Variants in EPHA6 observed in about 807,000 individuals in gnomAD.
EPHA6 encodes EPH receptor A6.
Under a neutral mutation model 112.0 loss-of-function variants are expected in EPHA6, and 50 were observed. The observed-to-expected ratio is 0.45, with a 90% CI of 0.36 to 0.56. The LOEUF is 0.56. EPHA6 is among the 20% of genes least tolerant of loss of function. The pLI, the probability that EPHA6 is intolerant of heterozygous loss-of-function variation, is 0.00. For missense variants in EPHA6, 1,280 were observed against 1,417.4 expected, an observed-to-expected ratio of 0.90 and a Z score of 1.56; for synonymous variants, 529 against 490.7, an observed-to-expected ratio of 1.08 and a Z score of -1.03.
intron 3 of EPHA6, among the ~76,000 whole-genome samples, chr3:97,117,198 T>G (rs1484069055): frequency 1.3e-5 from 2 of 151,664 alleles, no homozygotes; most frequent in African/African-American, 4.8e-5. Flanking sequence ...ATTGAGTTGT[T>G]TAAGTTCCTA....
chr3:97,343,894 T>C (rs192687703), intron 5 of EPHA6, among the ~76,000 whole-genome samples: 42 of 152,168 alleles, frequency 2.8e-4, no homozygotes, highest in Admixed American at 9.8e-4. Context: ...AGACCAAGCA[T>C]TGAGAGACAA....
chr3:97,679,166 T>G (rs2031652650), intron 14 of EPHA6, among the ~76,000 whole-genome samples: 1 of 152,178 alleles, frequency 6.6e-6, no homozygotes, highest in African/African-American at 2.4e-5. Context: ...TTTAGATGAA[T>G]TTTTGATCTC....
At chr3:97,339,947 C>G (rs773525166) in intron 5 of EPHA6, among the ~76,000 whole-genome samples, 1 of 152,148 alleles carries the variant, frequency 6.6e-6, no homozygotes, top group African/African-American at 2.4e-5. Flanking sequence ...AGAACAAAAC[C>G]TTTCTGCCAA....
chr3:97,158,262 AACACACACACACAGAC>A, intron 3 of EPHA6, among the ~76,000 whole-genome samples: 1 of 152,118 alleles, frequency 6.6e-6, no homozygotes, highest in Non-Finnish European at 1.5e-5. Flanking sequence ...TCTGTCTGTA[AACACACACACACAGAC>A]ACACACACAA....
At chr3:97,592,133 T>C (rs2093550850) in intron 11 of EPHA6, among the ~76,000 whole-genome samples, 1 of 152,212 alleles carries the variant, frequency 6.6e-6, no homozygotes, top group South Asian at 2.1e-4. Flanking sequence ...TGCAAAAATA[T>C]GTAATTACTG....
intron 2 of EPHA6, among the ~76,000 whole-genome samples, chr3:96,887,659 A>T (rs2037708755): frequency 6.6e-6 from 1 of 152,072 alleles, no homozygotes; most frequent in African/African-American, 2.4e-5. Flanking sequence ...AACTCCCAGG[A>T]TTATATGCCC....
At chr3:97,663,144 T>C (rs1482508419) in intron 14 of EPHA6, among the ~76,000 whole-genome samples, 1 of 152,006 alleles carries the variant, frequency 6.6e-6, no homozygotes, top group Admixed American at 6.6e-5. Flanking sequence ...TATCATGGGG[T>C]AGGACAAAGG....
At chr3:97,069,335 A>C (rs1303822374) in intron 3 of EPHA6, among the ~76,000 whole-genome samples, 1 of 152,166 alleles carries the variant, frequency 6.6e-6, no homozygotes. Flanking sequence ...ATTGTCCTCC[A>C]TTGATAGGCT....
Position 97,642,584 on chromosome 3 carries a change from G to C in EPHA6, c.2784+4502G>C, listed in dbSNP as rs982898103. Among the ~76,000 whole-genome samples the C allele has an allele frequency of 2.3e-3, 347 of 151,950 alleles. 3 individuals are homozygous for C. The highest frequency in any genetic ancestry group is 7.9e-3 in the African/African-American group (328 of 41,426). On this transcript the variant is annotated intron_variant, in intron 14 of 17. Coordinates refer to ENST00000389672, the MANE Select transcript of EPHA6 (RefSeq NM_001080448.3). ...GTATAACTAGAATAACCAATACAGA[G>C]AAGTGCTTAAAGGAGCTGATGGGGC...
At chr3:97,719,346 A>G (rs2034409054) in intron 14 of EPHA6, among the ~76,000 whole-genome samples, 1 of 151,922 alleles carries the variant, frequency 6.6e-6, no homozygotes, top group Admixed American at 6.6e-5. Context: ...AGCCACCTCC[A>G]CGGTTTAAGA....
chr3:96,826,835 A>T (rs1484101895), intron 1 of EPHA6, among the ~76,000 whole-genome samples: 2 of 152,068 alleles, frequency 1.3e-5, no homozygotes, highest in Non-Finnish European at 2.9e-5. Context: ...AGACTCATGC[A>T]CACATTGGTC....
At chr3:97,572,886 G>T (rs1161205326) in intron 11 of EPHA6, among the ~76,000 whole-genome samples, 1 of 152,130 alleles carries the variant, frequency 6.6e-6, no homozygotes, top group East Asian at 1.9e-4. Flanking sequence ...GAAATATTAA[G>T]TAACTTATTC....
At chr3:97,442,899 C>T (rs926737151) in intron 6 of EPHA6, among the ~76,000 whole-genome samples, 2 of 151,972 alleles carry the variant, frequency 1.3e-5, no homozygotes, top group African/African-American at 4.8e-5. Context: ...CTTTTCTTTT[C>T]CCAGAGCCAT....
chr3:97,327,081 A>G lies in EPHA6; in HGVS notation c.1607-78069A>G, dbSNP rs115440195. 5.3e-3 allele frequency among the ~76,000 whole-genome samples: 805 copies of G among 152,164 alleles called. 6 individuals are homozygous for G. The highest frequency in any genetic ancestry group is 0.018 in the African/African-American group (729 of 41,546). ...TTTTATGAGGGAGGTTAAGCCTGAA[A>G]CCGGTAACCTTTAAACCTTGTCATG... On this transcript the variant is annotated intron_variant, in intron 5 of 17. Transcript: ENST00000389672.
At chr3:96,978,768 C>T (rs2042631836) in intron 2 of EPHA6, among the ~76,000 whole-genome samples, 1 of 152,018 alleles carries the variant, frequency 6.6e-6, no homozygotes, top group South Asian at 2.1e-4. Context: ...TTTCCGATTA[C>T]CTGTGTGTAT....
chr3:97,263,806 A>T (rs1021975141), intron 5 of EPHA6, among the ~76,000 whole-genome samples: 1 of 152,164 alleles, frequency 6.6e-6, no homozygotes, highest in African/African-American at 2.4e-5. Flanking sequence ...GTGGCAGGTA[A>T]ACATGAAACC....
chr3:97,191,023 A>G (rs1437270217), intron 3 of EPHA6, among the ~76,000 whole-genome samples: 2 of 152,088 alleles, frequency 1.3e-5, no homozygotes, highest in African/African-American at 4.8e-5. Flanking sequence ...CTTGACCAAC[A>G]TATCTCCAGT....
chr3:97,267,601 T>A (rs2079729952), intron 5 of EPHA6, among the ~76,000 whole-genome samples: 2 of 152,150 alleles, frequency 1.3e-5, no homozygotes, highest in African/African-American at 4.8e-5. Flanking sequence ...CATTTTATAT[T>A]TTAAATTTGA....
At chr3:97,269,826 T>C (rs1176648612) in intron 5 of EPHA6, among the ~76,000 whole-genome samples, 1 of 152,218 alleles carries the variant, frequency 6.6e-6, no homozygotes, top group Non-Finnish European at 1.5e-5. Flanking sequence ...CTTCATATCC[T>C]GCTGGATGAA....
Sources: allele counts gnomAD v4.1 joint callset (sites outside exome capture counted in the v4.1 genomes callset), GRCh38; gene constraint gnomAD v4.1.1; transcripts MANE v1.5; gene names NCBI Gene and HGNC (gene_info 2026-07-23, HGNC 2026-07-21).